The following RALGAPA1 variants were observed in gnomAD, a reference collection of about 807,000 sequenced individuals.
RALGAPA1 encodes the protein ral GTPase-activating protein subunit alpha-1.
Under a neutral mutation model 269.6 loss-of-function variants are expected in RALGAPA1, and 52 were observed. That is an observed-to-expected ratio of 0.19 (90% confidence interval 0.15 to 0.24). RALGAPA1 has a LOEUF of 0.24. Ranked by LOEUF, RALGAPA1 falls within the 10% of genes least tolerant of loss-of-function variation. RALGAPA1 has a pLI of 1.00. For synonymous variants in RALGAPA1, 817 were observed against 1,008.3 expected, an observed-to-expected ratio of 0.81 and a Z score of 3.60; for missense variants, 1,917 against 3,013.9, an observed-to-expected ratio of 0.64 and a Z score of 8.52.
intron 39 of RALGAPA1, among the ~76,000 whole-genome samples, chr14:35,558,173 C>T (rs2055816431): frequency 6.6e-6 from 1 of 152,062 alleles, no homozygotes; most frequent in African/African-American, 2.4e-5. Context: ...GATAATCATA[C>T]ACGACTGAAA....
At chr14:35,793,585 T>TACAC (rs887290010) in intron 1 of RALGAPA1, among the ~76,000 whole-genome samples, 2 of 139,906 alleles carry the variant, frequency 1.4e-5, no homozygotes, top group South Asian at 4.5e-4. Flanking sequence ...AGACATTAGA[T>TACAC]ACACACACAA....
At chr14:35,575,282 G>A (rs1373085568) in intron 37 of RALGAPA1, among the ~76,000 whole-genome samples, 2 of 152,152 alleles carry the variant, frequency 1.3e-5, no homozygotes, top group East Asian at 1.9e-4. Context: ...CTGTTAAAAC[G>A]ATTGGCAACC....
At chr14:35,734,125 CT>C (rs2070758510) in intron 12 of RALGAPA1, among the ~76,000 whole-genome samples, 1 of 151,816 alleles carries the variant, frequency 6.6e-6, no homozygotes, top group Non-Finnish European at 1.5e-5. Flanking sequence ...AATGACCATA[CT>C]GCCAAAAGTG....
In RALGAPA1 at chr14:35,759,707, C is replaced by T. The variant is rs900083311; in HGVS notation, c.547+1122G>A. Among the ~76,000 whole-genome samples the T allele has an allele frequency of 8.6e-5, 13 of 151,434 alleles. No individual in the cohort carries two copies. In the East Asian group the frequency reaches 9.7e-4, roughly 11 times the overall value. On this transcript the variant is annotated intron_variant, in intron 6 of 41. Transcript: ENST00000680220. ...GACCAATCACTTGAGGTCAGGAGTT[C>T]GAGACCAGCTTGGCCAACATGGCGA...
chr14:35,784,591 C>A (rs2075675715), intron 1 of RALGAPA1, among the ~76,000 whole-genome samples: 1 of 152,122 alleles, frequency 6.6e-6, no homozygotes, highest in Non-Finnish European at 1.5e-5. Context: ...ATCTGCCAGA[C>A]CCTACCTGGC....
intron 16 of RALGAPA1, among the ~76,000 whole-genome samples, chr14:35,701,849 A>G (rs1410252291): frequency 2.0e-5 from 3 of 151,960 alleles, no homozygotes; most frequent in Admixed American, 2.0e-4. Flanking sequence ...AGGTCTCGCT[A>G]TGGTATCCAG....
At chr14:35,760,059 T>C (rs1011748500) in intron 6 of RALGAPA1, among the ~76,000 whole-genome samples, 1 of 152,172 alleles carries the variant, frequency 6.6e-6, no homozygotes, top group Non-Finnish European at 1.5e-5. Context: ...AAAAATTCAA[T>C]TTACATATAA....
intron 31 of RALGAPA1, among the ~76,000 whole-genome samples, chr14:35,649,208 G>A (rs2062656385): frequency 6.6e-6 from 1 of 152,110 alleles, no homozygotes; most frequent in Non-Finnish European, 1.5e-5. Flanking sequence ...GCTCTTTCCT[G>A]TATTCCTCAC....
At chr14:35,574,176 T>C (rs1201712926) in intron 37 of RALGAPA1, among the ~76,000 whole-genome samples, 3 of 152,170 alleles carry the variant, frequency 2.0e-5, no homozygotes, top group Non-Finnish European at 4.4e-5. Context: ...ATGAGTTAGG[T>C]AAGGAAAGAC....
chr14:35,606,767 A>AC (rs1484720087), intron 35 of RALGAPA1, among the ~76,000 whole-genome samples: 1 of 151,834 alleles, frequency 6.6e-6, no homozygotes. Flanking sequence ...AAAAAAAAAA[A>AC]AAACCCTGCA....
chr14:35,773,805 A>T (rs1396671371), intron 3 of RALGAPA1, among the ~76,000 whole-genome samples: 1 of 151,804 alleles, frequency 6.6e-6, no homozygotes, highest in African/African-American at 2.4e-5. Flanking sequence ...TGGAACTCTT[A>T]AAAAAAATTC....
At chr14:35,796,950 G>T (rs2076607687) in intron 1 of RALGAPA1, among the ~76,000 whole-genome samples, 1 of 151,960 alleles carries the variant, frequency 6.6e-6, no homozygotes, top group Non-Finnish European at 1.5e-5. Flanking sequence ...ACCACACCGG[G>T]TTAATTTTTT....
intron 12 of RALGAPA1, among the ~76,000 whole-genome samples, chr14:35,734,003 C>T (rs751048839): frequency 2.6e-5 from 4 of 151,930 alleles, no homozygotes; most frequent in Non-Finnish European, 2.9e-5. Flanking sequence ...ACCAAGGAGG[C>T]GAAAGACCTC....
intron 39 of RALGAPA1, among the ~76,000 whole-genome samples, chr14:35,567,206 T>C (rs1383847955): frequency 6.6e-6 from 1 of 152,050 alleles, no homozygotes; most frequent in East Asian, 1.9e-4. Flanking sequence ...TCCAATGTGG[T>C]ATCTATTAAC....
rs71124708 is a variant in RALGAPA1 at position 35,600,232 on chromosome 14, C to CTTTTTTTTTTTTTTTTTT, written c.7054-4444_7054-4443insAAAAAAAAAAAAAAAAAA. Among the ~76,000 whole-genome samples, 112 of 86,932 alleles carry CTTTTTTTTTTTTTTTTTT rather than the reference C, an allele frequency of 1.3e-3. 1 individual carries two copies. Among genetic ancestry groups the CTTTTTTTTTTTTTTTTTT allele is most frequent in the African/African-American group, 2.8e-3 (63 of 22,884 alleles). 57.0% of individuals were successfully genotyped at this position (86,932 alleles called of 152,430 possible). A position where few individuals can be genotyped will look rare whatever the true frequency, so the allele number is the denominator to read the frequency against. On this transcript the variant is annotated intron_variant, in intron 36 of 41. Transcript: ENST00000680220. ...TCCTTTTTTTTCTTTTTCTTTTTTT[C>CTTTTTTTTTTTTTTTTTT]TTTTTTTTTTTTTTTTTGAGACAGG...
chr14:35,567,237 T>TA (rs1290829569), intron 39 of RALGAPA1, among the ~76,000 whole-genome samples: 1 of 152,066 alleles, frequency 6.6e-6, no homozygotes, highest in Admixed American at 6.6e-5. Context: ...GATTGGCTAT[T>TA]AAAAACATGA....
intron 22 of RALGAPA1, among the ~76,000 whole-genome samples, chr14:35,675,682 T>C (rs2064878279): frequency 6.6e-6 from 1 of 152,124 alleles, no homozygotes; most frequent in Admixed American, 6.5e-5. Context: ...TTGCTAGATA[T>C]CATTATAGGT....
rs548775734 is a variant in RALGAPA1, at chr14:35,625,480, A to C, written c.6858-48T>G. The C allele has an allele frequency of 7.3e-6, 10 of 1,362,646 alleles. No homozygotes were observed. In the Admixed American group the frequency reaches 1.2e-4, roughly 17 times the overall value. The allele number at this position is 1,362,646 out of a possible 1,614,324, so 84.4% of individuals were successfully genotyped here. A position where few individuals can be genotyped will look rare whatever the true frequency, so the allele number is the denominator to read the frequency against. On this transcript the variant is annotated intron_variant, in intron 34 of 41. Transcript: ENST00000680220. ...ATTTTCATCACCTTTGCAGTGAATG[A>C]CAAGACAGTCCCGGAAATACTTTCC...
rs748376129 is a variant in RALGAPA1 at position 35,775,717 on chromosome 14, C to A, written c.135G>T (p.Gln45His). 1.9e-6 allele frequency: 3 copies of A among 1,568,442 alleles called. No individual in the cohort carries two copies. The highest frequency in any genetic ancestry group is 2.6e-6 in the Non-Finnish European group (3 of 1,163,350). Residue 45 changes from glutamine to histidine, a missense_variant, in exon 2 of 42, where the codon CAG becomes CAT. Coordinates refer to ENST00000680220, the MANE Select transcript of RALGAPA1 (RefSeq NM_001346249.2). Reference sequence around the variant, plus strand: ...TATGTGAAAAATGTTGGTCGAAAAACTGTTTAAGATCAATAGATTCTGCAT... The same window carrying A: ...TATGTGAAAAATGTTGGTCGAAAAAATGTTTAAGATCAATAGATTCTGCAT... ...IENAESIDLK[Q>H]FFDQHFSHIY...
Sources: allele counts gnomAD v4.1 joint callset (sites outside exome capture counted in the v4.1 genomes callset), GRCh38; gene constraint gnomAD v4.1.1; transcripts MANE v1.5; gene names NCBI Gene and HGNC (gene_info 2026-07-23, HGNC 2026-07-21).